The following MSI2 variants were observed in gnomAD, a reference collection of about 807,000 sequenced individuals.
MSI2 encodes musashi RNA binding protein 2.
A neutral mutation model predicts 45.6 loss-of-function variants in MSI2; 17 were observed. The ratio of observed to expected loss-of-function variants is 0.37; its 90% confidence interval spans 0.26 to 0.56. The LOEUF (loss-of-function observed/expected upper bound fraction) is 0.56, where lower values mean the gene tolerates loss of function less well. Ranked by LOEUF, MSI2 falls within the 20% of genes least tolerant of loss-of-function variation. The pLI is 0.77. For synonymous variants in MSI2, 156 were observed against 158.2 expected (o/e 0.99, Z 0.11); for missense variants, 293 against 444.2 (o/e 0.66, Z 3.06).
intron 5 of MSI2, chr17:57,268,677 A>G (rs1170182164): frequency 6.6e-6 from 1 of 152,236 alleles, no homozygotes; most frequent in East Asian, 1.9e-4. Context: ...CTCTACTAAA[A>G]ATACAAAAAT....
intron 6 of MSI2, among the ~76,000 whole-genome samples, chr17:57,516,768 G>T (rs1444363362): frequency 6.6e-6 from 1 of 152,210 alleles, no homozygotes; most frequent in Non-Finnish European, 1.5e-5. Context: ...AAGCTGAGCT[G>T]CTTTGGAAAG....
intron 7 of MSI2, among the ~76,000 whole-genome samples, chr17:57,576,829 G>A (rs939225510): frequency 5.3e-5 from 8 of 151,708 alleles, no homozygotes; most frequent in Non-Finnish European, 1.2e-4. Flanking sequence ...TGGGCAGGGC[G>A]AGATTTTGAC....
At chr17:57,692,992 A>G in the MSI2 span, among the ~76,000 whole-genome samples, 2 of 139,864 alleles carry the variant, frequency 1.4e-5, no homozygotes, top group Non-Finnish European at 3.1e-5. Flanking sequence ...GTCTTTCATT[A>G]TTTTGGAGAC....
chr17:57,485,886 A>G (rs555008712), intron 6 of MSI2, among the ~76,000 whole-genome samples: 1 of 152,316 alleles, frequency 6.6e-6, no homozygotes, highest in South Asian at 2.1e-4. Context: ...GCCCTCAGGA[A>G]CAAATCTGCA....
chr17:57,434,289 A>C (rs943943842), intron 6 of MSI2, among the ~76,000 whole-genome samples: 40 of 152,150 alleles, frequency 2.6e-4, no homozygotes, highest in Non-Finnish European at 4.0e-4. Flanking sequence ...TGGTAGAGAC[A>C]GGGTTTCACC....
chr17:57,306,623 C>G (rs568446833), intron 5 of MSI2, among the ~76,000 whole-genome samples: 1 of 152,340 alleles, frequency 6.6e-6, no homozygotes, highest in East Asian at 1.9e-4. Flanking sequence ...CCCTCCTGTT[C>G]CCAGGAACTG....
chr17:57,586,310 T>G (rs1296794322), intron 7 of MSI2, among the ~76,000 whole-genome samples: 4 of 152,176 alleles, frequency 2.6e-5, no homozygotes, highest in Non-Finnish European at 5.9e-5. Flanking sequence ...TCATGACAGA[T>G]TTCTCTCTTA....
intron 4 of MSI2, among the ~76,000 whole-genome samples, chr17:57,260,370 A>G (rs952500734): frequency 5.9e-5 from 9 of 151,944 alleles, no homozygotes; most frequent in Admixed American, 1.3e-4. Flanking sequence ...TGTGATTTAA[A>G]TTTTCTTTAG....
chr17:57,379,662 C>A (rs2144018535), intron 5 of MSI2, among the ~76,000 whole-genome samples: 1 of 152,230 alleles, frequency 6.6e-6, no homozygotes, highest in South Asian at 2.1e-4. Flanking sequence ...AGGCAGAGGC[C>A]CCTGCTGTCC....
In MSI2 at chr17:57,407,089, C is replaced by T. The variant is rs754165099; in HGVS notation, c.405+5618C>T. On this transcript the variant is annotated intron_variant, in intron 6 of 13. Transcript: ENST00000284073. The surrounding 1 kb of genome is among the most constrained non-coding windows in gnomAD (Gnocchi z 4.1). ...GTGTCGGATTGGGGTTGTGTGGGGGCCCATAAAAGTTAACTTGAGCTCTGG... is the reference window on the plus strand; with the variant it reads ...GTGTCGGATTGGGGTTGTGTGGGGGTCCATAAAAGTTAACTTGAGCTCTGG... 2 of 151,894 alleles carry T rather than the reference C, an allele frequency of 1.3e-5. No individual in the cohort carries two copies. The highest frequency in any genetic ancestry group is 2.9e-5 in the Non-Finnish European group (2 of 67,996). 9.4% of individuals were successfully genotyped at this position (151,894 alleles called of 1,614,324 possible).
chr17:57,519,357 T>C (rs1598357666), intron 6 of MSI2, among the ~76,000 whole-genome samples: 1 of 152,160 alleles, frequency 6.6e-6, no homozygotes, highest in Non-Finnish European at 1.5e-5. Flanking sequence ...AGGCGCTCAC[T>C]GGCTACCACA....
chr17:57,646,520 G>A (rs1191673865), intron 10 of MSI2, among the ~76,000 whole-genome samples: 2 of 152,226 alleles, frequency 1.3e-5, no homozygotes, highest in African/African-American at 2.4e-5. Flanking sequence ...CAAGGTCTGA[G>A]ATGAAGGGAC....
chr17:57,623,875 T>C (rs901250089), intron 9 of MSI2, among the ~76,000 whole-genome samples: 11 of 152,138 alleles, frequency 7.2e-5, no homozygotes, highest in Non-Finnish European at 1.6e-4. Context: ...ATTGAAGTAA[T>C]GTTGTATTAT....
chr17:57,497,376 A>T (rs1198609423), intron 6 of MSI2, among the ~76,000 whole-genome samples: 2 of 152,222 alleles, frequency 1.3e-5, no homozygotes, highest in Non-Finnish European at 2.9e-5. Flanking sequence ...GACCCCACGT[A>T]TAAAGCGAGG....
intron 7 of MSI2, among the ~76,000 whole-genome samples, chr17:57,554,898 C>T (rs761446590): frequency 1.3e-5 from 2 of 152,272 alleles, no homozygotes; most frequent in Non-Finnish European, 2.9e-5. Context: ...ATTCTTGAGG[C>T]ATGAGCAGCG....
intron 6 of MSI2, among the ~76,000 whole-genome samples, chr17:57,479,759 G>A (rs2085611670): frequency 6.6e-6 from 1 of 152,176 alleles, no homozygotes; most frequent in Non-Finnish European, 1.5e-5. Context: ...CATCTGAGCT[G>A]CCATCCCTGA....
chr17:57,499,375 TAAAAA>T (rs55797448), intron 6 of MSI2, among the ~76,000 whole-genome samples: 1 of 125,846 alleles, frequency 7.9e-6, no homozygotes, highest in Non-Finnish European at 1.6e-5. Context: ...GATTCTGTCT[TAAAAA>T]AAAAAAAAAA....
In MSI2 at chr17:57,256,975, C is replaced by G. The variant is rs971882290; in HGVS notation, c.63-123C>G. On this transcript the variant is annotated intron_variant, in intron 1 of 13. Coordinates refer to ENST00000284073, the MANE Select transcript of MSI2 (RefSeq NM_138962.4). ...TGCATTTCGCCGTCACCTTCTCCCC[C>G]ACCCCACCTCCCGGCTCTCGCTCGC... is the stretch of plus-strand genomic sequence containing the variant. 21 of 1,528,698 alleles carry G rather than the reference C, an allele frequency of 1.4e-5. No individual in the cohort carries two copies. The African/African-American group carries it at 1.7e-4, about 13-fold the overall frequency. The allele number at this position is 1,528,698 out of a possible 1,614,324, so 94.7% of individuals were successfully genotyped here.
intron 1 of MSI2, 96 bp downstream of exon 1, chr17:57,256,900 C>T (rs1906784464): frequency 1.5e-6 from 1 of 655,094 alleles, no homozygotes; most frequent in Non-Finnish European, 2.3e-6. Context: ...CTCCCGCGCC[C>T]CCCCGCCTCT....
Sources: gnomAD v4.1 joint callset for allele counts (sites outside exome capture counted in the v4.1 genomes callset) on GRCh38, gnomAD v4.1.1 for gene constraint, Gnocchi (gnomAD v3.1) non-coding constraint, MANE v1.5 for transcripts, NCBI Gene and HGNC (gene_info 2026-07-23, HGNC 2026-07-21) for gene names.